CFLAR: variants seen among roughly 807,000 people sequenced by gnomAD.
CFLAR encodes the protein CASP8 and FADD-like apoptosis regulator.
Under a neutral mutation model 51.1 loss-of-function variants are expected in CFLAR, and 14 were observed. That is an observed-to-expected ratio of 0.27 (90% CI 0.18 to 0.43). The LOEUF (loss-of-function observed/expected upper bound fraction) is 0.43, where lower values mean the gene tolerates loss of function less well. Among genes scored for constraint, CFLAR ranks in the 20% least tolerant of loss-of-function variants. The pLI, the probability that CFLAR is intolerant of heterozygous loss-of-function variation, is 1.00. For missense variants in CFLAR, 390 were observed against 566.5 expected (o/e 0.69, Z 3.16); for synonymous variants, 210 against 211.6 (o/e 0.99, Z 0.06).
At position 201,163,875 on chromosome 2, in the gene CFLAR, T is replaced by C. The variant is rs1943297130; in HGVS notation, c.1345T>C (p.Tyr449His). The change falls in exon 10 of 10, where the codon TAC becomes CAC. Residue 449 changes from tyrosine (Y) to histidine (H), a missense_variant. Around this residue, in one of 2 missense-constraint regions of CFLAR, gnomAD observed 287 missense variants for 363.6 expected, o/e 0.79. Coordinates refer to ENST00000309955, the MANE Select transcript of CFLAR (RefSeq NM_003879.7). ...GGATCTTCACATTGAACTCAATGGC[T>C]ACATGTATGATTGGAACAGCAGAGT... ...LLDLHIELNGYMYDWNSRVSA... is the reference protein window; with the variant it reads ...LLDLHIELNGHMYDWNSRVSA... 5 of 1,613,962 alleles carry C rather than the reference T, an allele frequency of 3.1e-6. No individual in the cohort carries two copies. The highest frequency in any genetic ancestry group is 1.7e-5 in the Admixed American group (1 of 59,986).
intron 3 of CFLAR, among the ~76,000 whole-genome samples, chr2:201,134,461 C>T (rs549395289): frequency 6.6e-6 from 1 of 151,758 alleles, no homozygotes; most frequent in East Asian, 1.9e-4. Context: ...ATGGCAAAAC[C>T]CCATCTCTAC....
At position 201,138,881 on chromosome 2, in the gene CFLAR, G is replaced by T. The variant is rs576500137; in HGVS notation, c.524-1476G>T. On this transcript the variant is annotated intron_variant, in intron 4 of 9. Transcript: ENST00000309955. The surrounding 1 kb of genome is among the most constrained non-coding windows in gnomAD (Gnocchi z 4.0). ...AGGAGATCAGCGGCGTCTTCAGAGT[G>T]ACCATTGGGTCAGGGCTGAGGTCAG... 52 of 699,308 alleles carry T rather than the reference G, an allele frequency of 7.4e-5. No homozygotes were observed. Among genetic ancestry groups the T allele is most frequent in the African/African-American group, 6.1e-4 (35 of 57,302 alleles). 43.3% of individuals were successfully genotyped at this position (699,308 alleles called of 1,614,324 possible).
At position 201,130,353 on chromosome 2, in the gene CFLAR, CTTTT is replaced by C. The variant is rs771361555; in HGVS notation, c.281+230_281+233del. Among the ~76,000 whole-genome samples, 13 of 92,280 alleles carry C rather than the reference CTTTT, an allele frequency of 1.4e-4. No individual in the cohort carries two copies. In the South Asian group the frequency reaches 1.5e-3, roughly 10 times the overall value. The allele number at this position is 92,280 out of a possible 152,430, so 60.5% of individuals were successfully genotyped here. ...TTTCTTGCTTTCTTTTTCTTTCTTT[CTTTT>C]TTTTTTTTTTTTTTTTTTTTTTGAG... On this transcript the variant is annotated intron_variant, in intron 2 of 9. Coordinates refer to ENST00000309955, the MANE Select transcript of CFLAR (RefSeq NM_003879.7).
rs754566160 is a variant in CFLAR at position 201,135,962 on chromosome 2, G to A, written c.388-10G>A. ...TATTGACATTTGTTTTTTGTTGGTG[G>A]TTCTCTTAGAGTTTCTTGGACCTTG... On this transcript the variant is annotated splice_polypyrimidine_tract_variant and intron_variant, in intron 3 of 9. Transcript: ENST00000309955. 6.2e-7 allele frequency: 1 copy of A among 1,603,194 alleles called. No homozygotes were observed. The highest frequency in any genetic ancestry group is 1.1e-5 in the South Asian group (1 of 89,198).
At chr2:201,119,375 C>G (rs2047941058) in intron 1 of CFLAR, among the ~76,000 whole-genome samples, 1 of 152,202 alleles carries the variant, frequency 6.6e-6, no homozygotes, top group African/African-American at 2.4e-5. Flanking sequence ...GCAGTTTAGA[C>G]AAGATCCACT....
Position 201,163,969 on chromosome 2 carries a change from C to T in CFLAR, c.1439C>T (p.Thr480Ile), listed in dbSNP as rs759144414. 71 of 1,612,158 alleles carry T rather than the reference C, an allele frequency of 4.4e-5. No individual in the cohort carries two copies. The highest frequency in any genetic ancestry group is 5.4e-5 in the Non-Finnish European group (64 of 1,179,360). ...TLRKKLILSYT is the reference protein window; with the variant it reads ...TLRKKLILSYI ...AGAAAGAAACTTATCCTCTCCTACA[C>T]ATAAGAAACCAAAAGGCTGGGCGTA... Residue 480 changes from threonine (T) to isoleucine (I), a missense_variant, in exon 10 of 10, where the codon ACA (threonine) becomes ATA (isoleucine). By Grantham distance (89) the Thr-to-Ile change is moderately conservative (BLOSUM62 -1). Transcript: ENST00000309955.
At chr2:201,145,674 A>G in intron 6 of CFLAR, 1 of 431,924 alleles carries the variant, frequency 2.3e-6, no homozygotes, top group East Asian at 3.9e-5. Context: ...GTATGTTAAG[A>G]GATGTGATGT....
intron 9 of CFLAR, among the ~76,000 whole-genome samples, chr2:201,162,294 G>C (rs1487969231): frequency 6.6e-6 from 1 of 151,822 alleles, no homozygotes; most frequent in Admixed American, 6.6e-5. Flanking sequence ...AGTAGAGATG[G>C]GGTTTCACCA....
intron 1 of CFLAR, among the ~76,000 whole-genome samples, chr2:201,125,402 G>C (rs2048580414): frequency 6.6e-6 from 1 of 152,064 alleles, no homozygotes; most frequent in African/African-American, 2.4e-5. Flanking sequence ...TTTTTTGAGG[G>C]TTTGGCTTTA....
intron 8 of CFLAR, chr2:201,150,518 A>T (rs1941103623): frequency 6.6e-6 from 1 of 152,238 alleles, no homozygotes; most frequent in South Asian, 2.1e-4. Flanking sequence ...AAAAAAATGA[A>T]TATGTGTTAC....
intron 9 of CFLAR, chr2:201,162,941 A>G (rs1482325582): frequency 1.4e-6 from 1 of 692,028 alleles, no homozygotes; most frequent in Non-Finnish European, 2.6e-6. Context: ...ATACGAAGTA[A>G]GTATTAAACA....
chr2:201,153,108 G>A (rs1022760083), intron 8 of CFLAR: 1 of 152,202 alleles, frequency 6.6e-6, no homozygotes, highest in Non-Finnish European at 1.5e-5. Context: ...CTGGATGCTC[G>A]GTGCTGCCTT....
intron 6 of CFLAR, chr2:201,147,901 T>A (rs1312600357): frequency 6.6e-6 from 1 of 152,068 alleles, no homozygotes; most frequent in Non-Finnish European, 1.5e-5. Context: ...TCAAACCAAA[T>A]ATTTATATTA....
intron 3 of CFLAR, among the ~76,000 whole-genome samples, chr2:201,133,740 C>T (rs1461657227): frequency 6.6e-6 from 1 of 151,792 alleles, no homozygotes; most frequent in Non-Finnish European, 1.5e-5. Context: ...ACCAACCTGG[C>T]TAACACGGTG....
intron 8 of CFLAR, among the ~76,000 whole-genome samples, chr2:201,157,387 C>T (rs1261248733): frequency 3.9e-5 from 6 of 152,122 alleles, no homozygotes; most frequent in South Asian, 2.1e-4. Context: ...GCAATCCACC[C>T]GCCTTGGCCT....
rs1944142885 is a variant in CFLAR at position 201,174,691 on chromosome 2, T to C, written c.*10718T>C. 6.6e-6 allele frequency: 1 copy of C among 152,174 alleles called. No individual in the cohort carries two copies. The highest frequency in any genetic ancestry group is 2.4e-5 in the African/African-American group (1 of 41,440). 9.4% of individuals were successfully genotyped at this position (152,174 alleles called of 1,614,324 possible). ...GCAACTGGCCTGTTCTTTTTCAAAATTGTTAGGGCTGTATTGGGTTTACCT... is the reference window on the plus strand; with the variant it reads ...GCAACTGGCCTGTTCTTTTTCAAAACTGTTAGGGCTGTATTGGGTTTACCT... On this transcript the variant is annotated 3_prime_UTR_variant, in exon 10 of 10. Transcript: ENST00000309955.
In CFLAR at chr2:201,163,327, T is replaced by A. The variant is rs1943244270; in HGVS notation, c.1305-508T>A. ...ATGAAGCCACAATGTACCTCAAGTA[T>A]AAGATTAACTGGCCTTTTTCAGTTG... is the stretch of plus-strand genomic sequence containing the variant. On this transcript the variant is annotated intron_variant, in intron 9 of 9. Transcript: ENST00000309955. 2.5e-6 allele frequency: 3 copies of A among 1,211,684 alleles called. No homozygotes were observed. The East Asian group carries it at 1.2e-4, about 50-fold the overall frequency. 75.1% of individuals were successfully genotyped at this position (1,211,684 alleles called of 1,614,324 possible). A position where few individuals can be genotyped will look rare whatever the true frequency, so the allele number is the denominator to read the frequency against.
Position 201,173,116 on chromosome 2 carries a change from C to T in CFLAR, c.*9143C>T, listed in dbSNP as rs1411649964. 2 of 152,266 alleles carry T rather than the reference C, an allele frequency of 1.3e-5. No homozygotes were observed. The highest frequency in any genetic ancestry group is 2.9e-5 in the Non-Finnish European group (2 of 68,076). 9.4% of individuals were successfully genotyped at this position (152,266 alleles called of 1,614,324 possible). A position where few individuals can be genotyped will look rare whatever the true frequency, so the allele number is the denominator to read the frequency against. On this transcript the variant is annotated 3_prime_UTR_variant, in exon 10 of 10. Transcript: ENST00000309955. ...GCGTTATCTTGATTCACTGTAACCTCTGCCTTCTGGGTTCAAGCCATTCTC... is the reference window on the plus strand; with the variant it reads ...GCGTTATCTTGATTCACTGTAACCTTTGCCTTCTGGGTTCAAGCCATTCTC...
intron 9 of CFLAR, among the ~76,000 whole-genome samples, chr2:201,162,106 T>G (rs1943108266): frequency 6.6e-6 from 1 of 152,184 alleles, no homozygotes; most frequent in East Asian, 1.9e-4. Flanking sequence ...ATATCTTTTT[T>G]GTTTGTTTGT....
Sources: allele counts gnomAD v4.1 joint callset (sites outside exome capture counted in the v4.1 genomes callset), GRCh38; gene constraint gnomAD v4.1.1; regional missense constraint gnomAD v4.1.1; non-coding constraint Gnocchi (gnomAD v3.1); transcripts MANE v1.5; gene names NCBI Gene and HGNC (gene_info 2026-07-23, HGNC 2026-07-21).